PCDH9: variants seen among roughly 807,000 people sequenced by gnomAD.
The protein encoded by PCDH9 is protocadherin 9.
PCDH9 carries 24 observed loss-of-function variants against 70.6 expected under a neutral mutation model. That is an observed-to-expected ratio of 0.34 (90% confidence interval 0.25 to 0.48). PCDH9 has a LOEUF of 0.48. Among genes scored for constraint, PCDH9 ranks in the 20% least tolerant of loss-of-function variants. PCDH9 has a pLI of 0.99. For missense variants in PCDH9, 1,281 were observed against 1,503.6 expected (o/e 0.85, Z 2.45); for synonymous variants, 562 against 558.5 (o/e 1.01, Z -0.09).
chr13:66,736,705 G>C (rs1196250156), intron 3 of PCDH9, among the ~76,000 whole-genome samples: 2 of 152,176 alleles, frequency 1.3e-5, no homozygotes, highest in Non-Finnish European at 2.9e-5. Flanking sequence ...CTCAAGCATG[G>C]ATTTCATAAT....
At chr13:66,993,857 T>C (rs950757168) in intron 2 of PCDH9, among the ~76,000 whole-genome samples, 1 of 152,192 alleles carries the variant, frequency 6.6e-6, no homozygotes, top group African/African-American at 2.4e-5. Flanking sequence ...AAATTGGATT[T>C]GCTGATTGAT....
At chr13:66,835,827 C>G (rs976833431) in intron 3 of PCDH9, among the ~76,000 whole-genome samples, 1 of 152,072 alleles carries the variant, frequency 6.6e-6, no homozygotes, top group Non-Finnish European at 1.5e-5. Flanking sequence ...CCGTTTAATA[C>G]ATACTTATTA....
intron 4 of PCDH9, among the ~76,000 whole-genome samples, chr13:66,433,657 T>G (rs1466638328): frequency 6.6e-6 from 1 of 151,824 alleles, no homozygotes; most frequent in African/African-American, 2.4e-5. Context: ...TTATAATTCT[T>G]ATTACCTAAA....
rs1333881780 is a variant in PCDH9, at chr13:66,702,188, C to T, written c.3139-70777G>A. ...AAGTATTTCCTTTTTGAAATAGGTTCGTATTTTATTTTTAAAAATTTTGCA... is the reference window on the plus strand; with the variant it reads ...AAGTATTTCCTTTTTGAAATAGGTTTGTATTTTATTTTTAAAAATTTTGCA... On this transcript the variant is annotated intron_variant, in intron 3 of 4. Transcript: ENST00000377865. Among the ~76,000 whole-genome samples, 7 of 151,942 alleles carry T rather than the reference C, an allele frequency of 4.6e-5. No homozygotes were observed. The East Asian group carries it at 1.2e-3, about 25-fold the overall frequency.
intron 2 of PCDH9, among the ~76,000 whole-genome samples, chr13:67,072,513 G>T (rs2085787471): frequency 6.6e-6 from 1 of 151,998 alleles, no homozygotes; most frequent in Non-Finnish European, 1.5e-5. Context: ...TAAATACTTT[G>T]GTTAGATATA....
intron 4 of PCDH9, among the ~76,000 whole-genome samples, chr13:66,380,118 G>C (rs926707015): frequency 6.6e-6 from 1 of 152,092 alleles, no homozygotes; most frequent in East Asian, 1.9e-4. Context: ...TATAGAAAAA[G>C]TATATAACCT....
At chr13:67,186,579 A>G (rs1447641003) in intron 2 of PCDH9, among the ~76,000 whole-genome samples, 1 of 152,136 alleles carries the variant, frequency 6.6e-6, no homozygotes, top group Non-Finnish European at 1.5e-5. Context: ...CTTAAATAGA[A>G]TTAGTTAATG....
At chr13:67,161,896 G>T (rs2087973010) in intron 2 of PCDH9, among the ~76,000 whole-genome samples, 1 of 152,164 alleles carries the variant, frequency 6.6e-6, no homozygotes, top group South Asian at 2.1e-4. Context: ...TAGAGTTTCA[G>T]CCTTCTTCCA....
At chr13:66,710,049 T>C (rs1198210870) in intron 3 of PCDH9, among the ~76,000 whole-genome samples, 6 of 152,292 alleles carry the variant, frequency 3.9e-5, no homozygotes, top group Non-Finnish European at 8.8e-5. Flanking sequence ...ATGTCCTATG[T>C]CAGCTATTAA....
At position 67,228,021 on chromosome 13, in the gene PCDH9, G is replaced by A; in HGVS notation, c.420C>T (p.Pro140=). The change falls in exon 2 of 5, where the codon CCC becomes CCT. Residue 140 remains proline, a synonymous_variant. Coordinates refer to ENST00000377865, the MANE Select transcript of PCDH9 (RefSeq NM_203487.3). ...IIVKDTNDNA[P]MFPSPVINIS... The stretch of plus-strand genomic sequence containing the variant: ...TATTGATGACAGGAGATGGAAACAT[G>A]GGGGCATTATCATTGGTATCCTTGA... 1.2e-6 allele frequency: 2 copies of A among 1,613,912 alleles called. No individual in the cohort carries two copies. Among genetic ancestry groups the A allele is most frequent in the South Asian group, 1.1e-5 (1 of 91,058 alleles).
intron 4 of PCDH9, among the ~76,000 whole-genome samples, chr13:66,494,620 A>G (rs916996272): frequency 3.9e-5 from 6 of 152,082 alleles, no homozygotes; most frequent in Admixed American, 3.9e-4. Flanking sequence ...CAACAATTAG[A>G]CCAGAAACCA....
chr13:66,319,244 C>G (rs1490608077), intron 4 of PCDH9, among the ~76,000 whole-genome samples: 1 of 152,098 alleles, frequency 6.6e-6, no homozygotes, highest in African/African-American at 2.4e-5. Flanking sequence ...GGGAAAAGTG[C>G]CCCATGATCC....
At chr13:67,159,898 T>C (rs1229614822) in intron 2 of PCDH9, among the ~76,000 whole-genome samples, 1 of 149,194 alleles carries the variant, frequency 6.7e-6, no homozygotes, top group African/African-American at 2.4e-5. Context: ...CCTTTGCTGG[T>C]TTCTTTTTTC....
intron 3 of PCDH9, among the ~76,000 whole-genome samples, chr13:66,872,846 C>A (rs2081721381): frequency 6.6e-6 from 1 of 152,022 alleles, no homozygotes; most frequent in African/African-American, 2.4e-5. Context: ...CTTCTGAAAT[C>A]AGAAATATTT....
intron 2 of PCDH9, chr13:66,996,378 T>C (rs944096575): frequency 6.6e-6 from 1 of 151,820 alleles, no homozygotes; most frequent in African/African-American, 2.4e-5. Flanking sequence ...AAGCACAGGA[T>C]AGTTGGGATT....
chr13:66,481,367 A>G (rs993246431), intron 4 of PCDH9, among the ~76,000 whole-genome samples: 1 of 151,974 alleles, frequency 6.6e-6, no homozygotes, highest in Non-Finnish European at 1.5e-5. Flanking sequence ...CTGATGAGTC[A>G]GCAGCCATCA....
chr13:66,470,983 A>G (rs567281144), intron 4 of PCDH9, among the ~76,000 whole-genome samples: 1 of 151,098 alleles, frequency 6.6e-6, no homozygotes. Flanking sequence ...TGCTCAATAA[A>G]AGGCAGCCTT....
chr13:67,104,855 A>G (rs924259358), intron 2 of PCDH9, among the ~76,000 whole-genome samples: 1 of 152,172 alleles, frequency 6.6e-6, no homozygotes, highest in African/African-American at 2.4e-5. Flanking sequence ...GGCCAATAAA[A>G]TGGTTTTAAC....
chr13:66,914,935 AG>A (rs1449320050), intron 2 of PCDH9: 1 of 151,666 alleles, frequency 6.6e-6, no homozygotes, highest in African/African-American at 2.4e-5. Flanking sequence ...TTTTTCCTGC[AG>A]TGTTCTTCAG....
Sources: allele counts gnomAD v4.1 joint callset (sites outside exome capture counted in the v4.1 genomes callset), GRCh38; gene constraint gnomAD v4.1.1; transcripts MANE v1.5; gene names NCBI Gene and HGNC (gene_info 2026-07-23, HGNC 2026-07-21).